MAP3K15: variants seen among roughly 807,000 people sequenced by gnomAD.
MAP3K15 encodes the protein mitogen-activated protein kinase kinase kinase 15, also known as MAPK/ERK kinase kinase 15.
Under a neutral mutation model 99.5 loss-of-function variants are expected in MAP3K15, and 124 were observed. The observed-to-expected ratio is 1.25, with a 90% CI of 1.08 to 1.45. The LOEUF is 1.45. Ranked by LOEUF, MAP3K15 falls within the 40% of genes most tolerant of loss-of-function variation. The pLI is 0.00. For synonymous variants in MAP3K15, 494 were observed against 439.6 expected, an observed-to-expected ratio of 1.12 and a Z score of -1.55; for missense variants, 1,242 against 1,079.7, an observed-to-expected ratio of 1.15 and a Z score of -2.11.
intron 3 of MAP3K15, among the ~76,000 whole-genome samples, chrX:19,468,827 T>C (rs142872048): frequency 9.0e-6 from 1 of 110,629 alleles, no homozygotes; most frequent in South Asian, 3.8e-4. Context: ...TGAAGAGGCC[T>C]TTCACATCCC....
At position 19,362,049 on chromosome X, in the gene MAP3K15, T is replaced by A. The variant is rs1045953189; in HGVS notation, c.3680-456A>T. ...ATATTTATTTACTTATGCAGTAAAC[T>A]ACCCTTTTTAGGTGTCCAATGTGCT... On this transcript the variant is annotated intron_variant, in intron 26 of 28. Transcript: ENST00000338883. Among the ~76,000 whole-genome samples, 3 of 110,795 alleles carry A rather than the reference T, an allele frequency of 2.7e-5. No individual in the cohort carries two copies. The South Asian group carries it at 1.1e-3, about 42-fold the overall frequency.
At chrX:19,418,337 A>C (rs1330126315) in intron 9 of MAP3K15, among the ~76,000 whole-genome samples, 5 of 111,763 alleles carry the variant, frequency 4.5e-5, no homozygotes, top group South Asian at 3.9e-4. Context: ...CAATGCAGAG[A>C]AGTCCTTAAA....
At position 19,370,953 on chromosome X, in the gene MAP3K15, G is replaced by T; in HGVS notation, c.3400+6C>A. ...AGCTGACCTTGACCACAAAGGGGGC[G>T]CTCACCTGGGATGAGAATGGTGACC... On this transcript the variant is annotated splice_donor_region_variant and intron_variant, in intron 24 of 28. Coordinates refer to ENST00000338883, the MANE Select transcript of MAP3K15 (RefSeq NM_001001671.4). The T allele has an allele frequency of 8.5e-7, 1 of 1,177,347 alleles. No homozygotes were observed. Among genetic ancestry groups the T allele is most frequent in the South Asian group, 1.8e-5 (1 of 54,336 alleles).
At chrX:19,372,604 C>T (rs770135204) in intron 22 of MAP3K15, 49 bp downstream of exon 22, 65 of 1,148,980 alleles carry the variant, frequency 5.7e-5, no homozygotes, top group Non-Finnish European at 6.9e-5. Flanking sequence ...GGGACTGGGA[C>T]CTGGGCAGAG....
intron 3 of MAP3K15, chrX:19,481,901 G>T (rs150671868): frequency 9.0e-6 from 1 of 111,073 alleles, no homozygotes; most frequent in Non-Finnish European, 1.9e-5. Context: ...TACCAGCCAG[G>T]CACGGTGGCT....
chrX:19,470,050 G>A (rs1361757849), intron 3 of MAP3K15, among the ~76,000 whole-genome samples: 2 of 111,309 alleles, frequency 1.8e-5, no homozygotes, highest in Non-Finnish European at 3.8e-5. Flanking sequence ...CCCATTACTG[G>A]GTATATACCT....
intron 22 of MAP3K15, among the ~76,000 whole-genome samples, chrX:19,372,130 TAAAAA>T (rs58640460): frequency 6.0e-5 from 5 of 83,295 alleles, no homozygotes; most frequent in Middle Eastern, 5.7e-3. Context: ...TGAGACTGTC[TAAAAA>T]AAAAAAAAAA....
intron 6 of MAP3K15, among the ~76,000 whole-genome samples, chrX:19,451,443 T>C (rs1237600372): frequency 1.1e-5 from 1 of 93,877 alleles, no homozygotes; most frequent in Non-Finnish European, 2.1e-5. Flanking sequence ...AGAATATATA[T>C]ATATAAAAAA....
At chrX:19,415,425 C>T (rs778780126) in intron 9 of MAP3K15, among the ~76,000 whole-genome samples, 168 bp from the exon 10 acceptor site, 8 of 112,275 alleles carry the variant, frequency 7.1e-5, no homozygotes, top group South Asian at 3.7e-4. Context: ...TAAGAAAACA[C>T]GAGCAGTAGG....
chrX:19,508,181 T>G (rs1385704750), intron 1 of MAP3K15, among the ~76,000 whole-genome samples: 1 of 111,286 alleles, frequency 9.0e-6, no homozygotes, highest in Non-Finnish European at 1.9e-5. Context: ...ATATTGGTTT[T>G]TGTTTTTCGA....
At position 19,514,932 on chromosome X, in the gene MAP3K15, C is replaced by T. The variant is rs1320900616; in HGVS notation, c.330G>A (p.Glu110=). 1 of 1,147,403 alleles carries T rather than the reference C, an allele frequency of 8.7e-7. No homozygotes were observed. Among genetic ancestry groups the T allele is most frequent in the Admixed American group, 2.4e-5 (1 of 41,553 alleles). The allele number at this position is 1,147,403 out of a possible 1,213,427, so 94.6% of individuals were successfully genotyped here. A position where few individuals can be genotyped will look rare whatever the true frequency, so the allele number is the denominator to read the frequency against. ...SVPFGELDFG[E]TAVLDAFYDA... is the part of the protein sequence containing the mutation. ...CGTAGAAGGCGTCGAGCACGGCCGT[C>T]TCCCCGAAGTCCAGCTCCCCGAAGG... is the stretch of plus-strand genomic sequence containing the variant. The change falls in exon 1 of 29, where the codon GAG becomes GAA. Residue 110 remains glutamate (E), a synonymous_variant. Coordinates refer to ENST00000338883, the MANE Select transcript of MAP3K15 (RefSeq NM_001001671.4).
At chrX:19,456,796 T>G in intron 6 of MAP3K15, 117 bp downstream of exon 6, 1 of 484,736 alleles carries the variant, frequency 2.1e-6, no homozygotes, top group Admixed American at 3.0e-5. Context: ...CTTGTCCATC[T>G]TCATAACCTT....
intron 13 of MAP3K15, among the ~76,000 whole-genome samples, chrX:19,400,992 T>C (rs1222038641): frequency 9.0e-6 from 1 of 111,345 alleles, no homozygotes; most frequent in East Asian, 2.8e-4. Flanking sequence ...TCCCTTTTAC[T>C]GAACCAAAGA....
intron 13 of MAP3K15, among the ~76,000 whole-genome samples, chrX:19,401,229 CT>C (rs755151562): frequency 1.8e-5 from 2 of 109,231 alleles, no homozygotes; most frequent in East Asian, 5.8e-4. Flanking sequence ...GGGTCTCGCT[CT>C]GTCGCCCAGG....
At chrX:19,464,439 T>C in intron 3 of MAP3K15, 33 bp from the exon 4 acceptor site, 1 of 1,108,011 alleles carries the variant, frequency 9.0e-7, no homozygotes, top group Non-Finnish European at 1.2e-6. Flanking sequence ...TTCCAGAAAG[T>C]AACTTATGTG....
chrX:19,394,977 G>A, intron 16 of MAP3K15, 104 bp downstream of exon 16: 1 of 1,005,994 alleles, frequency 9.9e-7, no homozygotes, highest in South Asian at 2.1e-5. Context: ...GCGCCCTACA[G>A]GCCTGGCTTA....
chrX:19,380,308 G>T, intron 18 of MAP3K15, 31 bp from the exon 19 acceptor site: 1 of 1,198,306 alleles, frequency 8.3e-7, no homozygotes, highest in Non-Finnish European at 1.1e-6. Flanking sequence ...CAGGCTGTGG[G>T]TACCATATTG....
At position 19,426,238 on chromosome X, in the gene MAP3K15, C is replaced by T; in HGVS notation, c.1272G>A (p.Arg424=). The T allele has an allele frequency of 9.1e-7, 1 of 1,103,650 alleles. No homozygotes were observed. Among genetic ancestry groups the T allele is most frequent in the East Asian group, 3.2e-5 (1 of 31,603 alleles). 91.0% of individuals were successfully genotyped at this position (1,103,650 alleles called of 1,213,427 possible). A position where few individuals can be genotyped will look rare whatever the true frequency, so the allele number is the denominator to read the frequency against. The change falls in exon 8 of 29, where the codon AGG becomes AGA. Residue 424 remains arginine (R), a synonymous_variant. Transcript: ENST00000338883. ...AATAATAAGCAGCTTTACCTATTTT[C>T]CTTAGTTCCAAGGAAGTTTCAAATT... The part of the protein sequence containing the change: ...GQQFETSLEL[R]KIGVRLNSLL...
At chrX:19,474,655 T>A (rs2064230022) in intron 3 of MAP3K15, among the ~76,000 whole-genome samples, 1 of 109,254 alleles carries the variant, frequency 9.2e-6, no homozygotes, top group Non-Finnish European at 1.9e-5. Context: ...TAACATACCC[T>A]AGTAGTAGAC....
Sources: allele counts gnomAD v4.1 joint callset (sites outside exome capture counted in the v4.1 genomes callset), GRCh38; gene constraint gnomAD v4.1.1; transcripts MANE v1.5; gene names NCBI Gene and HGNC (gene_info 2026-07-23, HGNC 2026-07-21).